The following SBF2 variants were observed in gnomAD, a reference collection of about 807,000 sequenced individuals.
The protein encoded by SBF2 is myotubularin-related protein 13.
SBF2 carries 112 observed loss-of-function variants against 225.2 expected under a neutral mutation model. That is an observed-to-expected ratio of 0.50 (90% CI 0.43 to 0.58). The LOEUF (loss-of-function observed/expected upper bound fraction) is 0.58, where lower values mean the gene tolerates loss of function less well. Among genes scored for constraint, SBF2 ranks in the 20% least tolerant of loss-of-function variants. The pLI is 0.00. For missense variants in SBF2, 1,996 were observed against 2,206.2 expected (o/e 0.90, Z 1.91); for synonymous variants, 763 against 773.3 (o/e 0.99, Z 0.22).
chr11:9,851,422 T>C (rs1856945344), intron 21 of SBF2, among the ~76,000 whole-genome samples: 2 of 152,226 alleles, frequency 1.3e-5, no homozygotes, highest in Admixed American at 1.3e-4. Context: ...CACATTATTT[T>C]GTTTTTCAAG....
intron 17 of SBF2, among the ~76,000 whole-genome samples, chr11:9,884,066 G>A (rs920458445): frequency 1.2e-4 from 19 of 152,154 alleles, no homozygotes; most frequent in Admixed American, 3.9e-4. Context: ...CAGCCCCAGA[G>A]ATTTTGTTTT....
chr11:10,222,647 T>G (rs920716911), intron 1 of SBF2, among the ~76,000 whole-genome samples: 3 of 152,160 alleles, frequency 2.0e-5, no homozygotes, highest in African/African-American at 7.2e-5. Context: ...CATACAATGC[T>G]AAAAGATTTC....
chr11:10,184,867 C>T lies in SBF2; in HGVS notation c.141+9035G>A, dbSNP rs1007750551. On this transcript the variant is annotated intron_variant, in intron 2 of 39. Coordinates refer to ENST00000256190, the MANE Select transcript of SBF2 (RefSeq NM_030962.4). Reference sequence around the variant, plus strand: ...TCAACCTCCCAAGTAGCTGGGACTACAGGCGCCCACCACCACGCCCGGCTA... The same window carrying T: ...TCAACCTCCCAAGTAGCTGGGACTATAGGCGCCCACCACCACGCCCGGCTA... Among the ~76,000 whole-genome samples, 7 of 152,164 alleles carry T rather than the reference C, an allele frequency of 4.6e-5. No individual in the cohort carries two copies. In the East Asian group the frequency reaches 1.3e-3, roughly 29 times the overall value.
chr11:10,301,375 T>C (rs549964159), intron 1 of SBF2, among the ~76,000 whole-genome samples: 10 of 152,362 alleles, frequency 6.6e-5, no homozygotes, highest in Admixed American at 5.9e-4. Flanking sequence ...CTGGGCTTTG[T>C]ATCCTGCTTT....
In SBF2 at chr11:9,839,706, T is replaced by C. The variant is rs1348371983; in HGVS notation, c.3257-10A>G. On this transcript the variant is annotated splice_polypyrimidine_tract_variant and intron_variant, in intron 25 of 39. Coordinates refer to ENST00000256190, the MANE Select transcript of SBF2 (RefSeq NM_030962.4). ...TCACTCTCATCTGAAACTGTGATGGTAGAGACAGATATCGAAGAAATGATT... is the reference window on the plus strand; with the variant it reads ...TCACTCTCATCTGAAACTGTGATGGCAGAGACAGATATCGAAGAAATGATT... The C allele has an allele frequency of 1.2e-6, 2 of 1,609,376 alleles. No homozygotes were observed. The highest frequency in any genetic ancestry group is 8.5e-7 in the Non-Finnish European group (1 of 1,176,878).
intron 16 of SBF2, among the ~76,000 whole-genome samples, chr11:9,909,013 T>G (rs1564986900): frequency 6.6e-6 from 1 of 152,134 alleles, no homozygotes; most frequent in Non-Finnish European, 1.5e-5. Context: ...ATTAAAATTA[T>G]GTATACTGCA....
chr11:10,260,088 C>A (rs1225208304), intron 1 of SBF2, among the ~76,000 whole-genome samples: 1 of 152,024 alleles, frequency 6.6e-6, no homozygotes, highest in South Asian at 2.1e-4. Context: ...GGTTCTCCTG[C>A]CTGACAGCAA....
At chr11:9,974,960 CAAAAAAAAAA>C (rs1166081188) in intron 13 of SBF2, among the ~76,000 whole-genome samples, 21 of 23,270 alleles carry the variant, frequency 9.0e-4, no homozygotes, top group South Asian at 2.8e-3. Context: ...AACTTTGACT[CAAAAAAAAAA>C]AAAAAAAAAA....
intron 13 of SBF2, among the ~76,000 whole-genome samples, chr11:9,976,658 T>C (rs1317752143): frequency 6.6e-6 from 1 of 152,136 alleles, no homozygotes; most frequent in Non-Finnish European, 1.5e-5. Flanking sequence ...ATTACATATC[T>C]AGCAAATATT....
At chr11:9,876,990 C>T (rs193259439) in intron 17 of SBF2, among the ~76,000 whole-genome samples, 279 of 152,298 alleles carry the variant, frequency 1.8e-3, no homozygotes, top group African/African-American at 5.9e-3. Context: ...CCACCCACCT[C>T]GGCCTCCCAA....
chr11:10,193,975 CCTT>C lies in SBF2; in HGVS notation c.65_67del (p.Glu22del). 1 of 1,608,894 alleles carries C rather than the reference CCTT, an allele frequency of 6.2e-7. No homozygotes were observed. The highest frequency in any genetic ancestry group is 1.1e-5 in the South Asian group (1 of 90,972). On this transcript the variant is annotated inframe_deletion, in exon 2 of 40. Coordinates refer to ENST00000256190, the MANE Select transcript of SBF2 (RefSeq NM_030962.4). ...AAATCTCTGGATTATTTTCCCCAGA[CCTT>C]CTCCTGATCCTGTTAATAAAATCAA...
chr11:10,162,106 A>T (rs991174905), intron 2 of SBF2, among the ~76,000 whole-genome samples: 3 of 152,182 alleles, frequency 2.0e-5, no homozygotes, highest in Non-Finnish European at 4.4e-5. Context: ...TATAGGAAGG[A>T]ATAGAAAGCT....
At chr11:9,870,775 A>T (rs1375690406) in intron 17 of SBF2, among the ~76,000 whole-genome samples, 1 of 152,144 alleles carries the variant, frequency 6.6e-6, no homozygotes, top group Non-Finnish European at 1.5e-5. Context: ...GGAGATTGAG[A>T]CTATCCTGGC....
At chr11:10,151,054 T>C (rs1231490515) in intron 2 of SBF2, among the ~76,000 whole-genome samples, 2 of 152,350 alleles carry the variant, frequency 1.3e-5, no homozygotes, top group African/African-American at 4.8e-5. Flanking sequence ...CAACTTTCTA[T>C]GCTAAAGGTT....
At chr11:9,976,969 A>C (rs1946721753) in intron 13 of SBF2, among the ~76,000 whole-genome samples, 1 of 151,896 alleles carries the variant, frequency 6.6e-6, no homozygotes, top group Non-Finnish European at 1.5e-5. Context: ...ACGGGGTTTC[A>C]CCGTGGTCTC....
intron 17 of SBF2, among the ~76,000 whole-genome samples, chr11:9,886,826 C>A (rs1331272000): frequency 6.6e-6 from 1 of 151,562 alleles, no homozygotes; most frequent in Non-Finnish European, 1.5e-5. Flanking sequence ...GGGGGCTGTT[C>A]CTCCTTGGGT....
intron 3 of SBF2, among the ~76,000 whole-genome samples, chr11:10,042,337 A>G (rs2134678816): frequency 6.6e-6 from 1 of 152,312 alleles, no homozygotes; most frequent in East Asian, 1.9e-4. Context: ...AACCTCAACC[A>G]ATAGTCTGAA....
chr11:9,784,477 C>G, intron 37 of SBF2, 39 bp from the exon 38 acceptor site: 1 of 1,466,712 alleles, frequency 6.8e-7, no homozygotes, highest in Non-Finnish European at 9.6e-7. Context: ...TTTTGATTTA[C>G]ACTTACAAAA....
At chr11:10,282,184 T>C (rs1963453424) in intron 1 of SBF2, among the ~76,000 whole-genome samples, 1 of 152,204 alleles carries the variant, frequency 6.6e-6, no homozygotes. Flanking sequence ...CTTGAAATTC[T>C]ATATACCCAG....
Sources: gnomAD v4.1 joint callset for allele counts (sites outside exome capture counted in the v4.1 genomes callset) on GRCh38, gnomAD v4.1.1 for gene constraint, MANE v1.5 for transcripts, NCBI Gene and HGNC (gene_info 2026-07-23, HGNC 2026-07-21) for gene names.